GABRA2: variants seen among roughly 807,000 people sequenced by gnomAD.
GABRA2 encodes gamma-aminobutyric acid receptor subunit alpha-2.
Under a neutral mutation model 48.7 loss-of-function variants are expected in GABRA2, and 16 were observed. The ratio of observed to expected loss-of-function variants is 0.33; its 90% CI spans 0.22 to 0.50. The LOEUF is 0.50. GABRA2 is among the 20% of genes least tolerant of loss of function. The pLI, the probability that GABRA2 is intolerant of heterozygous loss-of-function variation, is 0.98. For synonymous variants in GABRA2, 185 were observed against 184.5 expected (o/e 1.00, Z -0.02); for missense variants, 275 against 535.6 (o/e 0.51, Z 4.80).
intron 3 of GABRA2, among the ~76,000 whole-genome samples, chr4:46,370,101 T>TA (rs1714654127): frequency 6.6e-6 from 1 of 152,018 alleles, no homozygotes; most frequent in Non-Finnish European, 1.5e-5. Flanking sequence ...AGTCACTGGC[T>TA]ACAGAGCTAC....
At chr4:46,353,338 C>T (rs1735453495) in intron 3 of GABRA2, among the ~76,000 whole-genome samples, 1 of 152,058 alleles carries the variant, frequency 6.6e-6, no homozygotes, top group African/African-American at 2.4e-5. Context: ...AAGCAGTGCC[C>T]TCTTGACCAG....
At position 46,321,674 on chromosome 4, in the gene GABRA2, G is replaced by T. The variant is rs570489228; in HGVS notation, c.256-8958C>A. On this transcript the variant is annotated intron_variant, in intron 4 of 9. Transcript: ENST00000381620. ...TATCTGTAAAATGGTAAGAAAAATAGAAGTTACTTCCTAGGACTCTTGTAA... is the reference window on the plus strand; with the variant it reads ...TATCTGTAAAATGGTAAGAAAAATATAAGTTACTTCCTAGGACTCTTGTAA... Among the ~76,000 whole-genome samples the T allele has an allele frequency of 3.9e-5, 6 of 152,090 alleles. No homozygotes were observed. In the East Asian group the frequency reaches 7.8e-4, roughly 20 times the overall value.
chr4:46,349,520 T>C (rs1419735987), intron 3 of GABRA2, among the ~76,000 whole-genome samples: 1 of 151,988 alleles, frequency 6.6e-6, no homozygotes, highest in African/African-American at 2.4e-5. Context: ...TAGATTTAGA[T>C]GCTAAAAAAC....
intron 8 of GABRA2, among the ~76,000 whole-genome samples, chr4:46,287,978 C>A (rs1330919667): frequency 6.6e-6 from 1 of 152,038 alleles, no homozygotes; most frequent in Non-Finnish European, 1.5e-5. Flanking sequence ...ACATGGATAG[C>A]AGTAGGCAAA....
At chr4:46,300,915 T>C (rs181880689) in intron 8 of GABRA2, among the ~76,000 whole-genome samples, 1 of 152,248 alleles carries the variant, frequency 6.6e-6, no homozygotes, top group East Asian at 1.9e-4. Flanking sequence ...ACTTTTCCCC[T>C]ACCTCTTGTA....
intron 8 of GABRA2, among the ~76,000 whole-genome samples, chr4:46,301,354 T>C (rs1403177750): frequency 1.3e-5 from 2 of 152,216 alleles, no homozygotes; most frequent in Non-Finnish European, 2.9e-5. Flanking sequence ...ATATACCATG[T>C]ATTAAATGCT....
At position 46,252,473 on chromosome 4, in the gene GABRA2, C is replaced by A. The variant is rs1714967479; in HGVS notation, c.1060-1869G>T. ...GGGATAGGAAGTTCCTTTATTAACC[C>A]CATGATATAGGTTCAAAAATGAAGG... is the stretch of plus-strand genomic sequence containing the variant. On this transcript the variant is annotated intron_variant, in intron 9 of 9. Coordinates refer to ENST00000381620, the MANE Select transcript of GABRA2 (RefSeq NM_000807.4). Among the ~76,000 whole-genome samples the A allele has an allele frequency of 2.0e-5, 3 of 147,246 alleles. No individual in the cohort carries two copies. The South Asian group carries it at 7.0e-4, about 34-fold the overall frequency.
At chr4:46,312,145 T>C (rs950236070) in intron 5 of GABRA2, among the ~76,000 whole-genome samples, 4 of 152,018 alleles carry the variant, frequency 2.6e-5, no homozygotes, top group African/African-American at 9.7e-5. Flanking sequence ...TAACAAAAAT[T>C]TTGATGGGAT....
At chr4:46,350,622 T>C (rs1433789922) in intron 3 of GABRA2, among the ~76,000 whole-genome samples, 1 of 151,804 alleles carries the variant, frequency 6.6e-6, no homozygotes, top group African/African-American at 2.4e-5. Flanking sequence ...ATTATACCAC[T>C]TTATCTTAAA....
chr4:46,259,021 T>G (rs1716421823), intron 9 of GABRA2, among the ~76,000 whole-genome samples: 1 of 151,862 alleles, frequency 6.6e-6, no homozygotes. Context: ...TTAGAAAGTT[T>G]TCTTCCTGGT....
In GABRA2 at chr4:46,299,386, C is replaced by T. The variant is rs145159883; in HGVS notation, c.856+4074G>A. On this transcript the variant is annotated intron_variant, in intron 8 of 9. Coordinates refer to ENST00000381620, the MANE Select transcript of GABRA2 (RefSeq NM_000807.4). ...TGTTTAGTTCTTTCTAAAATTTTCC[C>T]ATCAAATGTGGTCTGCAAAACAGTT... Among the ~76,000 whole-genome samples the T allele has an allele frequency of 2.9e-3, 441 of 151,648 alleles. 1 individual carries two copies. Among genetic ancestry groups the T allele is most frequent in the African/African-American group, 9.5e-3 (394 of 41,458 alleles).
intron 2 of GABRA2, among the ~76,000 whole-genome samples, chr4:46,387,109 T>TC (rs1717567235): frequency 6.6e-6 from 1 of 152,204 alleles, no homozygotes; most frequent in African/African-American, 2.4e-5. Context: ...TCTTTTTTTT[T>TC]CTCAGAATGA....
chr4:46,271,110 G>C (rs1383448019), intron 8 of GABRA2, among the ~76,000 whole-genome samples: 1 of 151,992 alleles, frequency 6.6e-6, no homozygotes, highest in Admixed American at 6.6e-5. Context: ...TTGTGGTTGG[G>C]GTGCAGGGTG....
chr4:46,346,610 T>C (rs1047298128), intron 3 of GABRA2, among the ~76,000 whole-genome samples: 8 of 148,354 alleles, frequency 5.4e-5, no homozygotes, highest in African/African-American at 1.5e-4. Flanking sequence ...TTATTTATTA[T>C]ACTTAAATAT....
At chr4:46,289,581 G>GA (rs1723193620) in intron 8 of GABRA2, among the ~76,000 whole-genome samples, 1 of 152,000 alleles carries the variant, frequency 6.6e-6, no homozygotes, top group Non-Finnish European at 1.5e-5. Context: ...AGAGGAACAG[G>GA]AAAAAATAAC....
Position 46,244,619 on chromosome 4 carries a change from A to C in GABRA2, c.*5689T>G, listed in dbSNP as rs551674360. ...TAATCCTTGAAGCCCAATGGGATTA[A>C]ATGTTATGAAACGAACAATATGACA... On this transcript the variant is annotated 3_prime_UTR_variant, in exon 10 of 10. Transcript: ENST00000381620. 2.6e-4 allele frequency among the ~76,000 whole-genome samples: 39 copies of C among 151,672 alleles called. No homozygotes were observed. The Middle Eastern group carries it at 0.014, about 53-fold the overall frequency.
chr4:46,358,553 C>A (rs1736369606), intron 3 of GABRA2, among the ~76,000 whole-genome samples: 1 of 152,064 alleles, frequency 6.6e-6, no homozygotes, highest in Non-Finnish European at 1.5e-5. Context: ...AAGGATGTTG[C>A]CACACAGAAT....
chr4:46,381,200 G>T (rs994142761), intron 3 of GABRA2, among the ~76,000 whole-genome samples: 2 of 152,074 alleles, frequency 1.3e-5, no homozygotes, highest in African/African-American at 4.8e-5. Context: ...AATATATGAG[G>T]CCTGTCTACA....
rs968056787 is a variant in GABRA2, at chr4:46,372,569, G to C, written c.187+13505C>G. Among the ~76,000 whole-genome samples the C allele has an allele frequency of 7.9e-5, 12 of 152,202 alleles. 1 individual carries two copies. The highest frequency in any genetic ancestry group is 3.9e-4 in the Admixed American group (6 of 15,302). On this transcript the variant is annotated intron_variant, in intron 3 of 9. Transcript: ENST00000381620. Reference sequence around the variant, plus strand: ...GGAGCCACCTATCTGTAAAATTCTTGTTTGTGAGAAAAATTAACCCCCATT... The same window carrying C: ...GGAGCCACCTATCTGTAAAATTCTTCTTTGTGAGAAAAATTAACCCCCATT...
Sources: gnomAD v4.1 joint callset for allele counts (sites outside exome capture counted in the v4.1 genomes callset) on GRCh38, gnomAD v4.1.1 for gene constraint, MANE v1.5 for transcripts, NCBI Gene and HGNC (gene_info 2026-07-23, HGNC 2026-07-21) for gene names.